The following COLEC12 variants were observed in gnomAD, a reference collection of about 807,000 sequenced individuals.
COLEC12 encodes collectin-12.
In COLEC12, 33 loss-of-function variants were observed where a neutral mutation model predicts 71.1. That is an observed-to-expected ratio of 0.46 (90% CI 0.35 to 0.62). COLEC12 has a LOEUF of 0.62. Among genes scored for constraint, COLEC12 ranks in the 20% least tolerant of loss-of-function variants. COLEC12 has a pLI of 0.00. For missense variants in COLEC12, 765 were observed against 916.1 expected, an observed-to-expected ratio of 0.84 and a Z score of 2.13; for synonymous variants, 350 against 353.0, an observed-to-expected ratio of 0.99 and a Z score of 0.10.
At position 346,546 on chromosome 18, in the gene COLEC12, G is replaced by A. The variant is rs568456291; in HGVS notation, c.1076C>T (p.Thr359Met). The change falls in exon 5 of 10, where the codon ACG (threonine) becomes ATG (methionine). Residue 359 changes from threonine (T) to methionine (M), a missense_variant. Thr to Met is a moderately conservative substitution (Grantham distance 81). Transcript: ENST00000400256. This position sits in a 1 kb window ranked among gnomAD's most constrained non-coding sequence, Gnocchi z 4.0. ...NISYTAHHLR[T>M]LTSNLNEVRT... ...GACTTCATTTAGATTGCTGGTCAGC[G>A]TCCGCAGGTGGTGGGCTGTGTAACT... The A allele has an allele frequency of 3.6e-4, 582 of 1,614,166 alleles. No individual in the cohort carries two copies. The highest frequency in any genetic ancestry group is 1.6e-3 in the Middle Eastern group (10 of 6,062).
rs146463977 is a variant in COLEC12 at position 463,080 on chromosome 18, C to T, written c.58+17627G>A. On this transcript the variant is annotated intron_variant, in intron 2 of 9. Coordinates refer to ENST00000400256, the MANE Select transcript of COLEC12 (RefSeq NM_130386.3). ...GTTCTGAAGAAGCCCAGGCTGAAAC[C>T]GAGAGGGTTCACTTGATCCTGCCAT... Among the ~76,000 whole-genome samples, 245 of 152,244 alleles carry T rather than the reference C, an allele frequency of 1.6e-3. 1 individual carries two copies. The highest frequency in any genetic ancestry group is 3.4e-3 in the Middle Eastern group (1 of 294).
rs1277081623 is a variant in COLEC12 at position 335,062 on chromosome 18, T to C, written c.1496A>G (p.Lys499Arg). 2 of 1,608,474 alleles carry C rather than the reference T, an allele frequency of 1.2e-6. No homozygotes were observed. Among genetic ancestry groups the C allele is most frequent in the Non-Finnish European group, 8.5e-7 (1 of 1,178,270 alleles). The change falls in exon 6 of 10, where the codon AAA becomes AGA. Residue 499 changes from lysine (K) to arginine (R), a missense_variant. By Grantham distance (26) the Lys-to-Arg change is conservative. Transcript: ENST00000400256. ...PAGPPGERGG[K>R]GSKGSQGPKG... ...GGGGCCCTGGGAGCCTTTAGATCCT[T>C]TGCCGCCACGCTCTCCGGGGGGACC...
chr18:403,077 C>A (rs1381402021), intron 2 of COLEC12, among the ~76,000 whole-genome samples: 1 of 152,116 alleles, frequency 6.6e-6, no homozygotes, highest in Non-Finnish European at 1.5e-5. Context: ...TTAAGGATCC[C>A]AAAGTAAGAA....
intron 2 of COLEC12, among the ~76,000 whole-genome samples, chr18:429,182 T>C (rs1412307051): frequency 6.6e-6 from 1 of 152,054 alleles, no homozygotes; most frequent in Non-Finnish European, 1.5e-5. Context: ...GTTAATCATC[T>C]ACTCTGTGTG....
At chr18:391,323 A>C (rs1915459286) in intron 2 of COLEC12, among the ~76,000 whole-genome samples, 1 of 152,228 alleles carries the variant, frequency 6.6e-6, no homozygotes, top group Non-Finnish European at 1.5e-5. Context: ...CAAACAGAGA[A>C]GAGAACAGGA....
At chr18:405,119 A>T (rs545837376) in intron 2 of COLEC12, among the ~76,000 whole-genome samples, 3 of 152,182 alleles carry the variant, frequency 2.0e-5, no homozygotes, top group South Asian at 4.1e-4. Flanking sequence ...CACCCTGGTA[A>T]ATTTGTGGTC....
At chr18:352,609 G>A (rs988020164) in intron 3 of COLEC12, among the ~76,000 whole-genome samples, 1 of 152,158 alleles carries the variant, frequency 6.6e-6, no homozygotes, top group Admixed American at 6.6e-5. Context: ...CATGCACTGG[G>A]GGGTGTGTGT....
intron 2 of COLEC12, among the ~76,000 whole-genome samples, chr18:417,345 T>A (rs1366100418): frequency 6.6e-6 from 1 of 152,198 alleles, no homozygotes; most frequent in Non-Finnish European, 1.5e-5. Context: ...ATGATACACC[T>A]GTATAAGGCA....
chr18:495,135 C>G (rs1917685940), intron 1 of COLEC12, among the ~76,000 whole-genome samples: 1 of 152,164 alleles, frequency 6.6e-6, no homozygotes, highest in African/African-American at 2.4e-5. Context: ...TCAGCAGGAC[C>G]TTTTTGAGGT....
chr18:396,876 C>A (rs1915582955), intron 2 of COLEC12, among the ~76,000 whole-genome samples: 1 of 152,190 alleles, frequency 6.6e-6, no homozygotes, highest in Admixed American at 6.5e-5. Flanking sequence ...AGTCAAAACC[C>A]ACTCTCCACC....
At chr18:376,042 G>T (rs1323502192) in intron 2 of COLEC12, among the ~76,000 whole-genome samples, 19 of 152,192 alleles carry the variant, frequency 1.2e-4, no homozygotes, top group Admixed American at 1.2e-3. Context: ...CCACATTAGT[G>T]ACTGGCAGAG....
At chr18:459,821 A>C (rs151160808) in intron 2 of COLEC12, among the ~76,000 whole-genome samples, 7 of 152,332 alleles carry the variant, frequency 4.6e-5, no homozygotes, top group African/African-American at 1.7e-4. Context: ...CATACGGTTA[A>C]CCCTGAAACC....
Position 408,344 on chromosome 18 carries a change from A to G in COLEC12, c.59-50822T>C, listed in dbSNP as rs1915828439. Among the ~76,000 whole-genome samples the G allele has an allele frequency of 6.6e-6, 1 of 152,208 alleles. No individual in the cohort carries two copies. Among genetic ancestry groups the G allele is most frequent in the Admixed American group, 6.5e-5 (1 of 15,282 alleles). ...TTTTTCCTAACTCAGCAGGTATCAG[A>G]TTCTTAAATTTAAGAATCAGAAACA... is the stretch of plus-strand genomic sequence containing the variant. On this transcript the variant is annotated intron_variant, in intron 2 of 9. Coordinates refer to ENST00000400256, the MANE Select transcript of COLEC12 (RefSeq NM_130386.3). This position sits in a 1 kb window ranked among gnomAD's most constrained non-coding sequence, Gnocchi z 4.3.
intron 1 of COLEC12, among the ~76,000 whole-genome samples, chr18:495,534 C>G (rs1777836111): frequency 6.6e-6 from 1 of 152,224 alleles, no homozygotes; most frequent in Admixed American, 6.5e-5. Flanking sequence ...ATAAGCTACA[C>G]AGGGAAGCAA....
In COLEC12 at chr18:318,201, C is replaced by G. The variant is rs1461576936; in HGVS notation, c.*1844G>C. The G allele has an allele frequency of 6.6e-6, 1 of 151,824 alleles. No individual in the cohort carries two copies. The highest frequency in any genetic ancestry group is 6.6e-5 in the Admixed American group (1 of 15,252). 9.4% of individuals were successfully genotyped at this position (151,824 alleles called of 1,614,324 possible). A position where few individuals can be genotyped will look rare whatever the true frequency, so the allele number is the denominator to read the frequency against. On this transcript the variant is annotated 3_prime_UTR_variant, in exon 10 of 10. Transcript: ENST00000400256. ...TTCACCGTGTTAGCCAGGATGGTCT[C>G]GATCTCCTGACCTTGTGATCCGTCC...
intron 2 of COLEC12, among the ~76,000 whole-genome samples, chr18:409,326 A>G (rs1343969976): frequency 6.6e-6 from 1 of 152,266 alleles, no homozygotes; most frequent in East Asian, 1.9e-4. Context: ...AGATCACCTG[A>G]GGTCAGGAGT....
rs191962946 is a variant in COLEC12, at chr18:439,155, T to C, written c.58+41552A>G. On this transcript the variant is annotated intron_variant, in intron 2 of 9. Transcript: ENST00000400256. ...CTGAGAAATCAACTTCATCCCATTG[T>C]TCCTTGTTCAAACTTTCACAATGGT... Among the ~76,000 whole-genome samples the C allele has an allele frequency of 2.0e-5, 3 of 152,338 alleles. No individual in the cohort carries two copies. In the East Asian group the frequency reaches 5.8e-4, roughly 29 times the overall value.
chr18:409,481 C>T (rs1186756452), intron 2 of COLEC12, among the ~76,000 whole-genome samples: 1 of 152,168 alleles, frequency 6.6e-6, no homozygotes, highest in Non-Finnish European at 1.5e-5. Flanking sequence ...GCCAAGATCA[C>T]ACCACTGTAC....
chr18:420,171 T>G (rs1916068899), intron 2 of COLEC12, among the ~76,000 whole-genome samples: 1 of 152,142 alleles, frequency 6.6e-6, no homozygotes. Flanking sequence ...GCAATAATAA[T>G]AATAATCAAT....
Sources: allele counts gnomAD v4.1 joint callset (sites outside exome capture counted in the v4.1 genomes callset), GRCh38; gene constraint gnomAD v4.1.1; non-coding constraint Gnocchi (gnomAD v3.1); transcripts MANE v1.5; gene names NCBI Gene and HGNC (gene_info 2026-07-23, HGNC 2026-07-21).